The following KIAA1328 variants were observed in gnomAD, a reference collection of about 807,000 sequenced individuals.
The protein encoded by KIAA1328 is protein hinderin.
KIAA1328 carries 52 observed loss-of-function variants against 68.1 expected under a neutral mutation model. That is an observed-to-expected ratio of 0.76 (90% CI 0.61 to 0.96). The LOEUF (loss-of-function observed/expected upper bound fraction) is 0.96, where lower values mean the gene tolerates loss of function less well. KIAA1328 is among the 40% of genes least tolerant of loss of function. KIAA1328 has a pLI of 0.00. For synonymous variants in KIAA1328, 232 were observed against 239.4 expected (o/e 0.97, Z 0.28); for missense variants, 641 against 677.6 (o/e 0.95, Z 0.60).
intron 6 of KIAA1328, among the ~76,000 whole-genome samples, chr18:37,018,789 T>A (rs78182822): frequency 3.5e-5 from 1 of 28,250 alleles, no homozygotes; most frequent in Non-Finnish European, 1.4e-4. Context: ...ACTGAATGAT[T>A]TTTTTTTTAA....
chr18:37,216,369 G>T (rs1481682920), intron 9 of KIAA1328, among the ~76,000 whole-genome samples: 1 of 152,162 alleles, frequency 6.6e-6, no homozygotes, highest in African/African-American at 2.4e-5. Flanking sequence ...TGGTTTCAAA[G>T]AACATCTTTC....
chr18:37,186,617 T>C (rs974358387), intron 9 of KIAA1328, among the ~76,000 whole-genome samples: 1 of 151,588 alleles, frequency 6.6e-6, no homozygotes, highest in African/African-American at 2.4e-5. Flanking sequence ...AACATTGTTA[T>C]TTTCATTAGG....
intron 5 of KIAA1328, among the ~76,000 whole-genome samples, chr18:36,893,256 C>T (rs560509680): frequency 7.3e-4 from 111 of 152,080 alleles, no homozygotes; most frequent in African/African-American, 2.4e-3. Flanking sequence ...CTCTCTTTTT[C>T]TCTCTCTCTT....
intron 7 of KIAA1328, among the ~76,000 whole-genome samples, chr18:37,117,314 T>TA (rs1428622120): frequency 6.6e-6 from 1 of 152,190 alleles, no homozygotes; most frequent in East Asian, 1.9e-4. Flanking sequence ...TATGCAGCCA[T>TA]AAAAAAGGAT....
intron 4 of KIAA1328, among the ~76,000 whole-genome samples, chr18:36,881,537 C>T (rs2048329029): frequency 1.3e-5 from 2 of 152,122 alleles, no homozygotes; most frequent in South Asian, 2.1e-4. Flanking sequence ...GTGTACCCAT[C>T]ACCCCAATCA....
intron 4 of KIAA1328, among the ~76,000 whole-genome samples, chr18:36,872,442 C>T (rs2047980445): frequency 6.6e-6 from 1 of 152,102 alleles, no homozygotes; most frequent in Non-Finnish European, 1.5e-5. Context: ...TAAAGCTGAA[C>T]ATGAAGCAGA....
chr18:36,844,389 T>A, intron 4 of KIAA1328, 87 bp downstream of exon 4: 1 of 780,540 alleles, frequency 1.3e-6, no homozygotes, highest in Admixed American at 3.6e-5. Context: ...TTTTGATGAC[T>A]TAATATCTTT....
At chr18:36,919,151 C>G (rs1293839753) in intron 5 of KIAA1328, among the ~76,000 whole-genome samples, 2 of 152,068 alleles carry the variant, frequency 1.3e-5, no homozygotes, top group South Asian at 4.1e-4. Flanking sequence ...CATATATGAT[C>G]TATTTTATCA....
intron 4 of KIAA1328, among the ~76,000 whole-genome samples, chr18:36,851,487 A>G (rs1411579627): frequency 6.7e-6 from 1 of 150,254 alleles, no homozygotes; most frequent in Non-Finnish European, 1.5e-5. Context: ...TTTACTTGGT[A>G]TAGGTCCATT....
At position 37,160,264 on chromosome 18, in the gene KIAA1328, GA is replaced by G; in HGVS notation, c.1298del (p.Asp433AlafsTer21). The G allele has an allele frequency of 6.2e-7, 1 of 1,613,564 alleles. No individual in the cohort carries two copies. The highest frequency in any genetic ancestry group is 8.5e-7 in the Non-Finnish European group (1 of 1,179,698). On this transcript the variant is annotated frameshift_variant, in exon 8 of 10. Transcript: ENST00000280020. LOFTEE classifies it high-confidence loss of function. The part of the protein sequence containing the change: ...GTSSSIKKHQ[D>X]PPNSGENRKE... The stretch of plus-strand genomic sequence containing the variant: ...ATCATCATCTATTAAAAAGCACCAA[GA>G]CCCCCCAAACAGTGGAGAGAATAGG...
chr18:37,076,606 A>C (rs551702545), intron 7 of KIAA1328, among the ~76,000 whole-genome samples: 41 of 152,000 alleles, frequency 2.7e-4, no homozygotes, highest in Non-Finnish European at 5.5e-4. Context: ...TAAAGAAGAA[A>C]AGAGAGAAGA....
intron 6 of KIAA1328, among the ~76,000 whole-genome samples, chr18:37,052,784 C>A (rs994181940): frequency 4.6e-5 from 7 of 152,000 alleles, no homozygotes; most frequent in African/African-American, 1.7e-4. Flanking sequence ...AGGAATACAG[C>A]TAACCAAGGA....
At chr18:37,129,616 C>A (rs942390550) in intron 7 of KIAA1328, among the ~76,000 whole-genome samples, 7 of 152,036 alleles carry the variant, frequency 4.6e-5, no homozygotes. Context: ...TTCTTTCTTC[C>A]GGTGGAAGAG....
intron 8 of KIAA1328, among the ~76,000 whole-genome samples, chr18:37,166,436 T>C (rs144064029): frequency 9.9e-4 from 150 of 152,260 alleles, no homozygotes; most frequent in African/African-American, 3.4e-3. Context: ...ATTTTTTTGT[T>C]GTGATTTTTT....
In KIAA1328 at chr18:37,004,253, T is replaced by C. The variant is rs2053693444; in HGVS notation, c.576+44818T>C. Reference sequence around the variant, plus strand: ...TGTTTCCATTTGTTTGTGTCATCTATGATTTCTTTCAGCAGTGTTTGTAAT... The same window carrying C: ...TGTTTCCATTTGTTTGTGTCATCTACGATTTCTTTCAGCAGTGTTTGTAAT... On this transcript the variant is annotated intron_variant, in intron 6 of 9. Transcript: ENST00000280020. Among the ~76,000 whole-genome samples, 3 of 152,002 alleles carry C rather than the reference T, an allele frequency of 2.0e-5. No individual in the cohort carries two copies. The South Asian group carries it at 6.2e-4, about 32-fold the overall frequency.
At chr18:36,859,695 C>G (rs1034197736) in intron 4 of KIAA1328, among the ~76,000 whole-genome samples, 1 of 151,966 alleles carries the variant, frequency 6.6e-6, no homozygotes, top group Non-Finnish European at 1.5e-5. Flanking sequence ...AGCTCTCCTC[C>G]TGCCTCAGCC....
intron 6 of KIAA1328, among the ~76,000 whole-genome samples, chr18:36,990,815 A>G (rs2053147072): frequency 6.6e-6 from 1 of 152,098 alleles, no homozygotes; most frequent in Non-Finnish European, 1.5e-5. Flanking sequence ...TGCACACTCA[A>G]AGAGTATAAA....
At chr18:36,870,580 C>A (rs1355244223) in intron 4 of KIAA1328, among the ~76,000 whole-genome samples, 1 of 152,090 alleles carries the variant, frequency 6.6e-6, no homozygotes, top group Non-Finnish European at 1.5e-5. Context: ...GGATTTATTT[C>A]TTTTTAACTT....
intron 6 of KIAA1328, among the ~76,000 whole-genome samples, chr18:37,017,084 C>T (rs1057251136): frequency 1.3e-5 from 2 of 152,068 alleles, no homozygotes; most frequent in African/African-American, 4.8e-5. Context: ...ATCTTCCTAA[C>T]TTTTTGAGGT....
Sources: gnomAD v4.1 joint callset for allele counts (sites outside exome capture counted in the v4.1 genomes callset) on GRCh38, gnomAD v4.1.1 for gene constraint, MANE v1.5 for transcripts, NCBI Gene and HGNC (gene_info 2026-07-23, HGNC 2026-07-21) for gene names.